The following GRM8 variants were observed in gnomAD, a reference collection of about 807,000 sequenced individuals.
GRM8 encodes the protein glutamate metabotropic receptor 8, also known as metabotropic glutamate receptor 8.
Under a neutral mutation model 87.2 loss-of-function variants are expected in GRM8, and 47 were observed. That is an observed-to-expected ratio of 0.54 (90% confidence interval 0.43 to 0.69). The LOEUF (loss-of-function observed/expected upper bound fraction) is 0.69. Among genes scored for constraint, GRM8 ranks in the 30% least tolerant of loss-of-function variants. The pLI is 0.00. For missense variants in GRM8, 1,019 were observed against 1,139.2 expected (o/e 0.89, Z 1.52); for synonymous variants, 396 against 404.5 (o/e 0.98, Z 0.25).
intron 3 of GRM8, 52 bp downstream of exon 3, chr7:127,106,444 C>T (rs895897692): frequency 7.2e-7 from 1 of 1,382,908 alleles, no homozygotes; most frequent in Admixed American, 1.7e-5. Context: ...GATGCTCAGG[C>T]ATCAGCAATC....
intron 3 of GRM8, among the ~76,000 whole-genome samples, chr7:127,022,482 A>T (rs1006741342): frequency 6.6e-6 from 1 of 151,970 alleles, no homozygotes; most frequent in Admixed American, 6.6e-5. Flanking sequence ...CATGCACCCA[A>T]CCCTGACAGG....
chr7:126,628,911 G>A (rs1280218015), intron 7 of GRM8, among the ~76,000 whole-genome samples: 2 of 151,888 alleles, frequency 1.3e-5, no homozygotes, highest in Non-Finnish European at 2.9e-5. Flanking sequence ...AAAAGCAGAA[G>A]AGGGAGGAGG....
At chr7:126,475,706 G>A (rs1471789620) in intron 9 of GRM8, among the ~76,000 whole-genome samples, 1 of 152,108 alleles carries the variant, frequency 6.6e-6, no homozygotes, top group Non-Finnish European at 1.5e-5. Context: ...CAGACTGCCT[G>A]ATTAGAAACT....
chr7:126,474,263 T>TGA (rs1355425710), intron 9 of GRM8, among the ~76,000 whole-genome samples: 1 of 149,114 alleles, frequency 6.7e-6, no homozygotes, highest in Non-Finnish European at 1.5e-5. Flanking sequence ...TGTGTGTGTG[T>TGA]GTGTGTATAT....
intron 6 of GRM8, among the ~76,000 whole-genome samples, chr7:126,825,679 T>C (rs576908117): frequency 5.9e-5 from 9 of 152,274 alleles, no homozygotes; most frequent in Non-Finnish European, 1.0e-4. Flanking sequence ...ACTTACAATA[T>C]GAAAAACCTA....
intron 6 of GRM8, among the ~76,000 whole-genome samples, chr7:126,819,239 C>T (rs1278998173): frequency 6.7e-6 from 1 of 149,634 alleles, no homozygotes; most frequent in Non-Finnish European, 1.5e-5. Flanking sequence ...CTCACTCTCC[C>T]CTTTCTCACT....
Position 127,223,451 on chromosome 7 carries a change from A to G in GRM8, c.510+19244T>C, listed in dbSNP as rs1036672779. ...ACACCACACACACACACGCACACAC[A>G]CACACACACACACACACACACACAC... On this transcript the variant is annotated intron_variant, in intron 2 of 10. Transcript: ENST00000339582. Among the ~76,000 whole-genome samples, 305 of 38,430 alleles carry G rather than the reference A, an allele frequency of 7.9e-3. 4 individuals carry two copies. In the African/African-American group the frequency reaches 0.13, roughly 16 times the overall value. 25.2% of individuals were successfully genotyped at this position (38,430 alleles called of 152,430 possible).
intron 2 of GRM8, among the ~76,000 whole-genome samples, chr7:127,122,417 T>C (rs187109117): frequency 6.6e-6 from 1 of 152,192 alleles, no homozygotes; most frequent in African/African-American, 2.4e-5. Flanking sequence ...TATGTAAATG[T>C]CTCCATAATG....
chr7:127,192,606 G>A (rs1244872657), intron 2 of GRM8, among the ~76,000 whole-genome samples: 1 of 152,156 alleles, frequency 6.6e-6, no homozygotes, highest in Non-Finnish European at 1.5e-5. Context: ...AAAAATATAT[G>A]ACTCCAAGCC....
At chr7:126,605,896 C>T (rs972014552) in intron 8 of GRM8, among the ~76,000 whole-genome samples, 4 of 152,266 alleles carry the variant, frequency 2.6e-5, no homozygotes, top group African/African-American at 7.2e-5. Context: ...TGCTCCATTG[C>T]GCTAGAGTGG....
intron 7 of GRM8, among the ~76,000 whole-genome samples, chr7:126,647,433 T>G (rs1803279698): frequency 6.6e-6 from 1 of 152,040 alleles, no homozygotes; most frequent in African/African-American, 2.4e-5. Context: ...TATTTGGCTT[T>G]TATTGCTTGC....
intron 2 of GRM8, among the ~76,000 whole-genome samples, chr7:127,121,233 G>A (rs1204430206): frequency 5.9e-5 from 9 of 152,168 alleles, no homozygotes; most frequent in African/African-American, 1.2e-4. Context: ...ATGTCTTGGC[G>A]AATTAGCTCA....
intron 6 of GRM8, among the ~76,000 whole-genome samples, chr7:126,801,371 T>C (rs1405267957): frequency 1.1e-5 from 1 of 91,886 alleles, no homozygotes; most frequent in Non-Finnish European, 3.0e-5. Flanking sequence ...ATGGAATGCT[T>C]TGTGACCATA....
At chr7:126,998,782 T>C (rs1289079857) in intron 3 of GRM8, among the ~76,000 whole-genome samples, 1 of 151,730 alleles carries the variant, frequency 6.6e-6, no homozygotes, top group Admixed American at 6.6e-5. Flanking sequence ...ATGAAGACAT[T>C]CCATGTTCAA....
chr7:126,438,760 C>A lies in GRM8; in HGVS notation c.*359G>T, dbSNP rs1801122441. ...CTTATACAAGTTAAACAATGTGGGA[C>A]AGGAACGGGAGTTCTCACAATCACA... On this transcript the variant is annotated 3_prime_UTR_variant, in exon 11 of 11. Transcript: ENST00000339582. 1 of 205,464 alleles carries A rather than the reference C, an allele frequency of 4.9e-6. No individual in the cohort carries two copies. The highest frequency in any genetic ancestry group is 5.6e-5 in the Admixed American group (1 of 17,900). The allele number at this position is 205,464 out of a possible 1,614,324, so 12.7% of individuals were successfully genotyped here.
At chr7:126,910,194 T>C (rs1207062541) in intron 3 of GRM8, among the ~76,000 whole-genome samples, 1 of 152,212 alleles carries the variant, frequency 6.6e-6, no homozygotes, top group African/African-American at 2.4e-5. Flanking sequence ...TTTCTGTTGA[T>C]GCATGTTCTC....
At chr7:126,569,317 A>C (rs1794501176) in intron 8 of GRM8, among the ~76,000 whole-genome samples, 1 of 152,234 alleles carries the variant, frequency 6.6e-6, no homozygotes, top group Non-Finnish European at 1.5e-5. Flanking sequence ...AAAGTGCCAC[A>C]TAACTATTGT....
chr7:127,080,312 C>G (rs1296039923), intron 3 of GRM8, among the ~76,000 whole-genome samples: 1 of 152,214 alleles, frequency 6.6e-6, no homozygotes, highest in Non-Finnish European at 1.5e-5. Context: ...GAAAGGAGCA[C>G]AGCTCTGCTG....
chr7:126,671,708 A>T (rs1481054829), intron 7 of GRM8, among the ~76,000 whole-genome samples: 1 of 152,208 alleles, frequency 6.6e-6, no homozygotes, highest in African/African-American at 2.4e-5. Flanking sequence ...AGGTAGTGGG[A>T]ATAAATAGGA....
Sources: gnomAD v4.1 joint callset for allele counts (sites outside exome capture counted in the v4.1 genomes callset) on GRCh38, gnomAD v4.1.1 for gene constraint, MANE v1.5 for transcripts, NCBI Gene and HGNC (gene_info 2026-07-23, HGNC 2026-07-21) for gene names.